SLC41A3: variants seen among roughly 807,000 people sequenced by gnomAD.
SLC41A3 encodes the protein solute carrier family 41 member 3, also known as SLC41A1-like 2.
SLC41A3 carries 44 observed loss-of-function variants against 45.4 expected under a neutral mutation model. That is an observed-to-expected ratio of 0.97 (90% CI 0.76 to 1.25). SLC41A3 has a LOEUF of 1.25. Ranked by LOEUF, SLC41A3 falls within the 50% of genes most tolerant of loss-of-function variation. The pLI is 0.00. For synonymous variants in SLC41A3, 256 were observed against 252.4 expected, an observed-to-expected ratio of 1.01 and a Z score of -0.13; for missense variants, 550 against 600.6, an observed-to-expected ratio of 0.92 and a Z score of 0.88.
intron 2 of SLC41A3, among the ~76,000 whole-genome samples, chr3:126,060,301 C>T (rs1040089655): frequency 2.0e-5 from 3 of 152,178 alleles, no homozygotes; most frequent in African/African-American, 7.2e-5. Flanking sequence ...TGCCTGTAAT[C>T]CCAGCTACTC....
chr3:126,038,627 C>A (rs183731296), intron 3 of SLC41A3, among the ~76,000 whole-genome samples: 9 of 152,318 alleles, frequency 5.9e-5, no homozygotes, highest in Admixed American at 3.9e-4. Context: ...ACCATTGCAT[C>A]TTGGGAGTAA....
At chr3:126,020,739 G>A (rs1311204666) in intron 6 of SLC41A3, among the ~76,000 whole-genome samples, 1 of 152,118 alleles carries the variant, frequency 6.6e-6, no homozygotes, top group Non-Finnish European at 1.5e-5. Context: ...TCTTCTCTCT[G>A]AAGCCTGCTA....
chr3:126,016,892 G>A lies in SLC41A3; in HGVS notation c.746-17C>T. ...ACCGACTATCTGAAAGGAGAACAGG[G>A]ACACACGCAGCTCATGTGGCCAAGG... On this transcript the variant is annotated splice_polypyrimidine_tract_variant and intron_variant, in intron 6 of 10. Transcript: ENST00000360370. The A allele has an allele frequency of 6.2e-7, 1 of 1,607,968 alleles. No individual in the cohort carries two copies. Among genetic ancestry groups the A allele is most frequent in the Non-Finnish European group, 8.5e-7 (1 of 1,179,326 alleles).
intron 3 of SLC41A3, among the ~76,000 whole-genome samples, chr3:126,042,757 A>G (rs1346998024): frequency 6.6e-6 from 1 of 152,226 alleles, no homozygotes; most frequent in East Asian, 1.9e-4. Context: ...ACAATAATTG[A>G]ATTGAAAAAT....
intron 1 of SLC41A3, among the ~76,000 whole-genome samples, chr3:126,081,486 A>T (rs182563548): frequency 6.6e-5 from 10 of 152,376 alleles, no homozygotes; most frequent in African/African-American, 2.2e-4. Context: ...ATTTCGGAAT[A>T]GCTAGAATTC....
At chr3:126,053,091 T>G (rs1333272958) in intron 2 of SLC41A3, among the ~76,000 whole-genome samples, 1 of 152,196 alleles carries the variant, frequency 6.6e-6, no homozygotes. Context: ...GGGACTAAAG[T>G]CTATGGACAC....
At chr3:126,053,464 T>C (rs1173577099) in intron 2 of SLC41A3, among the ~76,000 whole-genome samples, 14 of 152,188 alleles carry the variant, frequency 9.2e-5, no homozygotes, top group Non-Finnish European at 4.4e-5. Flanking sequence ...AATACAAATG[T>C]AAAGTGAAAA....
chr3:126,059,295 A>G (rs946582118), intron 2 of SLC41A3, among the ~76,000 whole-genome samples: 1 of 127,534 alleles, frequency 7.8e-6, no homozygotes, highest in Non-Finnish European at 1.7e-5. Flanking sequence ...AGAAAGAAAG[A>G]AAGAAAGAAA....
upstream of SLC41A3, among the ~76,000 whole-genome samples, chr3:126,086,891 C>T (rs928344730): frequency 6.6e-6 from 1 of 152,038 alleles, no homozygotes; most frequent in Admixed American, 6.5e-5. Context: ...CTCTAATTAG[C>T]TTAAGTAAAA....
At chr3:126,059,261 A>AAGAAAGAAAGAAAGAAAGAAAGAGAG (rs1559869618) in intron 2 of SLC41A3, among the ~76,000 whole-genome samples, 2 of 6,684 alleles carry the variant, frequency 3.0e-4, no homozygotes, top group African/African-American at 4.1e-4. Context: ...GAAAGAAAGA[A>AAGAAAGAAAGAAAGAAAGAAAGAGAG]AGAAGAAAGA....
chr3:126,044,883 G>A (rs542249288), intron 3 of SLC41A3, among the ~76,000 whole-genome samples: 10 of 105,124 alleles, frequency 9.5e-5, no homozygotes, highest in Non-Finnish European at 1.3e-4. Flanking sequence ...GCGACAGAGC[G>A]AGACTCCATC....
intron 2 of SLC41A3, 47 bp downstream of exon 2, chr3:126,067,900 A>G: frequency 3.3e-6 from 5 of 1,528,436 alleles, no homozygotes; most frequent in Non-Finnish European, 4.4e-6. Flanking sequence ...TCTATAGGTG[A>G]TGTTCGGCAG....
rs1268231568 is a variant in SLC41A3 at position 126,029,010 on chromosome 3, T to C, written c.454-2531A>G. Among the ~76,000 whole-genome samples the C allele has an allele frequency of 6.6e-5, 10 of 152,244 alleles. No homozygotes were observed. The East Asian group carries it at 1.9e-3, about 29-fold the overall frequency. ...CCACTGTATCTTGAAAGTAACTAAC[T>C]TGTTTTTGATATTATAGGCTCATAG... On this transcript the variant is annotated intron_variant, in intron 4 of 10. Coordinates refer to ENST00000360370, the MANE Select transcript of SLC41A3 (RefSeq NM_017836.4).
In SLC41A3 at chr3:126,027,649, G is replaced by A. The variant is rs144509894; in HGVS notation, c.454-1170C>T. Among the ~76,000 whole-genome samples, 757 of 152,318 alleles carry A rather than the reference G, an allele frequency of 5.0e-3. 1 individual carries two copies. The highest frequency in any genetic ancestry group is 7.3e-3 in the Admixed American group (111 of 15,302). ...CCTTGGAGTTAGGTAACGAGCAGAG[G>A]GTGGAAGAGTTTGGAGGGCTCAGAA... On this transcript the variant is annotated intron_variant, in intron 4 of 10. Transcript: ENST00000360370.
At chr3:126,070,339 T>A (rs1472165097) in intron 1 of SLC41A3, 1 of 152,228 alleles carries the variant, frequency 6.6e-6, no homozygotes, top group Non-Finnish European at 1.5e-5. Flanking sequence ...CAGATCCTCA[T>A]AGGAGCTCAA....
chr3:126,006,493 G>C lies in SLC41A3; in HGVS notation c.*523C>G, dbSNP rs750778512. 6.2e-7 allele frequency: 1 copy of C among 1,614,052 alleles called. No individual in the cohort carries two copies. The highest frequency in any genetic ancestry group is 1.1e-5 in the South Asian group (1 of 91,010). On this transcript the variant is annotated 3_prime_UTR_variant, in exon 11 of 11. Transcript: ENST00000360370. Reference sequence around the variant, plus strand: ...AAATGTTGAGTGCAGATGAAGGGTTGTATGAGGCCCCATCCTGGGGAGGCT... The same window carrying C: ...AAATGTTGAGTGCAGATGAAGGGTTCTATGAGGCCCCATCCTGGGGAGGCT...
intron 3 of SLC41A3, 67 bp downstream of exon 3, chr3:126,050,876 A>G: frequency 1.3e-6 from 2 of 1,537,078 alleles, no homozygotes; most frequent in Non-Finnish European, 1.8e-6. Context: ...AAGCCAGGGG[A>G]GACCAGGTGG....
chr3:126,081,531 T>C (rs1250916614), intron 1 of SLC41A3, among the ~76,000 whole-genome samples: 1 of 152,258 alleles, frequency 6.6e-6, no homozygotes, highest in African/African-American at 2.4e-5. Context: ...ATCTCTAAAA[T>C]GATGGATGTC....
chr3:126,034,616 G>A (rs981465746), intron 3 of SLC41A3, among the ~76,000 whole-genome samples: 1 of 152,212 alleles, frequency 6.6e-6, no homozygotes. Context: ...TGAACAGTAA[G>A]GGAAGGAGGC....
Sources: gnomAD v4.1 joint callset for allele counts (sites outside exome capture counted in the v4.1 genomes callset) on GRCh38, gnomAD v4.1.1 for gene constraint, MANE v1.5 for transcripts, NCBI Gene and HGNC (gene_info 2026-07-23, HGNC 2026-07-21) for gene names.